The following ADAMTS17 variants were observed in gnomAD, a reference collection of about 807,000 sequenced individuals.
ADAMTS17 encodes ADAM metallopeptidase with thrombospondin type 1 motif 17.
In ADAMTS17, 113 loss-of-function variants were observed where a neutral mutation model predicts 141.5. That is an observed-to-expected ratio of 0.80 (90% CI 0.69 to 0.93). ADAMTS17 has a LOEUF of 0.93. ADAMTS17 is among the 40% of genes least tolerant of loss of function. ADAMTS17 has a pLI of 0.00. For missense variants in ADAMTS17, 1,659 were observed against 1,517.9 expected (o/e 1.09, Z -1.54); for synonymous variants, 768 against 630.6 (o/e 1.22, Z -3.27).
chr15:100,016,915 G>A (rs531260507), intron 18 of ADAMTS17, among the ~76,000 whole-genome samples: 6 of 152,290 alleles, frequency 3.9e-5, no homozygotes, highest in African/African-American at 1.4e-4. Flanking sequence ...GGCAGGTGGG[G>A]CCCTAGAACC....
At chr15:100,277,555 C>T (rs1344972711) in intron 4 of ADAMTS17, among the ~76,000 whole-genome samples, 1 of 152,200 alleles carries the variant, frequency 6.6e-6, no homozygotes, top group Non-Finnish European at 1.5e-5. Flanking sequence ...ATAAAATAAT[C>T]TGCAGATGAA....
At chr15:100,268,527 C>T (rs1385692539) in intron 4 of ADAMTS17, among the ~76,000 whole-genome samples, 3 of 152,142 alleles carry the variant, frequency 2.0e-5, no homozygotes, top group East Asian at 1.9e-4. Context: ...TATTGATTTG[C>T]GTTGCTCTGA....
At chr15:100,091,412 A>G (rs866134723) in intron 15 of ADAMTS17, among the ~76,000 whole-genome samples, 18 of 152,318 alleles carry the variant, frequency 1.2e-4, no homozygotes, top group Middle Eastern at 6.8e-3. Context: ...TTACAGGAAC[A>G]TGATTTGGTT....
At chr15:100,152,975 A>AAGAGAATACGTGCTTGGG (rs200941441) in intron 9 of ADAMTS17, among the ~76,000 whole-genome samples, 1 of 151,148 alleles carries the variant, frequency 6.6e-6, no homozygotes, top group Non-Finnish European at 1.5e-5. Flanking sequence ...TTCGCTCTGA[A>AAGAGAATACGTGCTTGGG]GGTAGTAAGA....
In ADAMTS17 at chr15:100,101,250, G is replaced by A. The variant is rs60725188; in HGVS notation, c.2017-4774C>T. On this transcript the variant is annotated intron_variant, in intron 14 of 21. Coordinates refer to ENST00000268070, the MANE Select transcript of ADAMTS17 (RefSeq NM_139057.4). ...CTGTCCTCCTCAGCCACAGTCCCCC[G>A]CTGGGTCTCTCTATGGCACCATTTT... Among the ~76,000 whole-genome samples, 9 of 148,208 alleles carry A rather than the reference G, an allele frequency of 6.1e-5. No homozygotes were observed. In the East Asian group the frequency reaches 7.8e-4, roughly 13 times the overall value.
intron 20 of ADAMTS17, among the ~76,000 whole-genome samples, chr15:99,978,261 TCCTCA>T (rs2060409390): frequency 6.6e-6 from 1 of 152,208 alleles, no homozygotes; most frequent in Non-Finnish European, 1.5e-5. Flanking sequence ...CCAGGTGGAT[TCCTCA>T]GCTTCCTTGC....
chr15:100,095,797 C>T (rs988788977), intron 15 of ADAMTS17, among the ~76,000 whole-genome samples: 2 of 152,164 alleles, frequency 1.3e-5, no homozygotes, highest in Non-Finnish European at 2.9e-5. Context: ...GCCGGCCCAT[C>T]AACCGAATCC....
rs1596477528 is a variant in ADAMTS17, at chr15:100,117,159, A to G, written c.1722-146T>C. ...CCCCCTCTCTGCTGTTACAGACCAA[A>G]TGCCCACAATCCCAGACCCACACTG... On this transcript the variant is annotated intron_variant, in intron 12 of 21. Transcript: ENST00000268070. The G allele has an allele frequency of 1.7e-5, 16 of 915,764 alleles. No homozygotes were observed. In the East Asian group the frequency reaches 3.7e-4, roughly 21 times the overall value. The allele number at this position is 915,764 out of a possible 1,614,324, so 56.7% of individuals were successfully genotyped here.
At chr15:100,153,333 G>A (rs1399880910) in intron 9 of ADAMTS17, among the ~76,000 whole-genome samples, 1 of 152,038 alleles carries the variant, frequency 6.6e-6, no homozygotes, top group African/African-American at 2.4e-5. Context: ...ACAGTGAGAG[G>A]CGCGTCTCTA....
Position 100,283,725 on chromosome 15 carries a change from A to G in ADAMTS17, c.617-2324T>C, listed in dbSNP as rs183848552. ...ACATTAGGAGCCAGCTAGCATCAAC[A>G]TGTAAGAGCTGAGAGCTCTCTAAGA... is the stretch of plus-strand genomic sequence containing the variant. On this transcript the variant is annotated intron_variant, in intron 3 of 21. Coordinates refer to ENST00000268070, the MANE Select transcript of ADAMTS17 (RefSeq NM_139057.4). Among the ~76,000 whole-genome samples, 21 of 152,350 alleles carry G rather than the reference A, an allele frequency of 1.4e-4. No homozygotes were observed. The East Asian group carries it at 2.9e-3, about 21-fold the overall frequency.
intron 15 of ADAMTS17, among the ~76,000 whole-genome samples, chr15:100,070,941 C>A (rs552686477): frequency 4.1e-4 from 62 of 149,908 alleles, no homozygotes; most frequent in African/African-American, 1.1e-3. Flanking sequence ...TCAAAAAATC[C>A]ATGAATCCAG....
chr15:100,292,122 G>C (rs565876298), intron 3 of ADAMTS17, among the ~76,000 whole-genome samples: 29 of 146,754 alleles, frequency 2.0e-4, no homozygotes, highest in South Asian at 6.3e-4. Context: ...AGTCACGAGA[G>C]ACGCTCAGCC....
At chr15:100,185,781 A>C (rs1233969484) in intron 8 of ADAMTS17, among the ~76,000 whole-genome samples, 1 of 152,142 alleles carries the variant, frequency 6.6e-6, no homozygotes, top group African/African-American at 2.4e-5. Context: ...CGTTTCCTTC[A>C]TCATCCCCTT....
chr15:100,303,946 A>G (rs1167153584), intron 3 of ADAMTS17, among the ~76,000 whole-genome samples: 1 of 151,786 alleles, frequency 6.6e-6, no homozygotes, highest in Non-Finnish European at 1.5e-5. Context: ...CTGGTCTCCA[A>G]CTCCTGACCT....
chr15:100,281,323 T>C lies in ADAMTS17; in HGVS notation c.695A>G (p.His232Arg). Residue 232 changes from histidine (H) to arginine (R), a missense_variant, in exon 4 of 22, where the codon CAC becomes CGC. Physicochemically the swap from His to Arg is conservative, Grantham distance 29. Coordinates refer to ENST00000268070, the MANE Select transcript of ADAMTS17 (RefSeq NM_139057.4). ...RRNAIRLTSE[H>R]TVETLVVADA... ...GGCCACCACCAGGGTCTCCACCGTG[T>C]GCTCGCTGGTGAGCCGGATAGCGTT... 1.2e-6 allele frequency: 2 copies of C among 1,610,402 alleles called. No individual in the cohort carries two copies. Among genetic ancestry groups the C allele is most frequent in the Non-Finnish European group, 1.7e-6 (2 of 1,179,996 alleles).
intron 7 of ADAMTS17, among the ~76,000 whole-genome samples, chr15:100,204,995 G>A (rs1445432457): frequency 2.6e-5 from 4 of 152,164 alleles, no homozygotes; most frequent in Non-Finnish European, 4.4e-5. Context: ...TTTGTGTGTT[G>A]TAACGCCATG....
intron 14 of ADAMTS17, among the ~76,000 whole-genome samples, chr15:100,103,965 G>A (rs990252837): frequency 1.3e-5 from 2 of 152,174 alleles, no homozygotes; most frequent in African/African-American, 4.8e-5. Context: ...ACTGAAGAAG[G>A]TCACAGGCCC....
chr15:100,049,540 AG>A (rs2031978540), intron 17 of ADAMTS17, among the ~76,000 whole-genome samples: 1 of 152,202 alleles, frequency 6.6e-6, no homozygotes, highest in Admixed American at 6.5e-5. Context: ...CTTATGGCTG[AG>A]CCCCCACCTG....
chr15:100,249,768 C>T (rs910950976), intron 7 of ADAMTS17, among the ~76,000 whole-genome samples: 2 of 152,182 alleles, frequency 1.3e-5, no homozygotes, highest in African/African-American at 4.8e-5. Flanking sequence ...TTACGGAAGC[C>T]CCAAACCTCG....
Sources: gnomAD v4.1 joint callset for allele counts (sites outside exome capture counted in the v4.1 genomes callset) on GRCh38, gnomAD v4.1.1 for gene constraint, MANE v1.5 for transcripts, NCBI Gene and HGNC (gene_info 2026-07-23, HGNC 2026-07-21) for gene names.